The following CAPZA2 variants were observed in gnomAD, a reference collection of about 807,000 sequenced individuals.
CAPZA2 encodes F-actin-capping protein subunit alpha-2.
A neutral mutation model predicts 44.0 loss-of-function variants in CAPZA2; 13 were observed. The observed-to-expected ratio is 0.30, with a 90% confidence interval of 0.19 to 0.47. CAPZA2 has a LOEUF of 0.47. Among genes scored for constraint, CAPZA2 ranks in the 20% least tolerant of loss-of-function variants. The pLI, the probability that CAPZA2 is intolerant of heterozygous loss-of-function variation, is 1.00. For synonymous variants in CAPZA2, 94 were observed against 108.2 expected, an observed-to-expected ratio of 0.87 and a Z score of 0.81; for missense variants, 244 against 338.6, an observed-to-expected ratio of 0.72 and a Z score of 2.19.
intron 1 of CAPZA2, among the ~76,000 whole-genome samples, chr7:116,883,025 C>T (rs796712975): frequency 1.4e-4 from 22 of 152,242 alleles, no homozygotes; most frequent in African/African-American, 5.1e-4. Context: ...GTGATTTTGA[C>T]TCCAGTTTGT....
At chr7:116,908,944 A>T (rs1791550790) in intron 6 of CAPZA2, among the ~76,000 whole-genome samples, 1 of 152,070 alleles carries the variant, frequency 6.6e-6, no homozygotes, top group African/African-American at 2.4e-5. Context: ...ATGAGAATAC[A>T]GGTTGAATAT....
intron 3 of CAPZA2, among the ~76,000 whole-genome samples, chr7:116,897,792 C>T (rs896867483): frequency 6.6e-6 from 1 of 151,976 alleles, no homozygotes; most frequent in Non-Finnish European, 1.5e-5. Flanking sequence ...ATTCTTGGAT[C>T]CATCTCGTCA....
intron 1 of CAPZA2, among the ~76,000 whole-genome samples, chr7:116,883,358 A>C (rs1327192950): frequency 6.6e-6 from 1 of 152,172 alleles, no homozygotes; most frequent in African/African-American, 2.4e-5. Flanking sequence ...AGGAATGTTG[A>C]GTCTGTAGCA....
At chr7:116,865,207 A>C (rs1417008028) in intron 1 of CAPZA2, among the ~76,000 whole-genome samples, 2 of 63,020 alleles carry the variant, frequency 3.2e-5, no homozygotes, top group Non-Finnish European at 5.8e-5. Flanking sequence ...TTTTTTTGAT[A>C]CAGAGTCCCA....
At chr7:116,894,957 T>C (rs2115937769) in intron 3 of CAPZA2, among the ~76,000 whole-genome samples, 1 of 152,312 alleles carries the variant, frequency 6.6e-6, no homozygotes, top group African/African-American at 2.4e-5. Context: ...TTCATAGGAA[T>C]CAGTGTAGTT....
At chr7:116,865,465 C>T (rs1241332445) in intron 1 of CAPZA2, among the ~76,000 whole-genome samples, 1 of 152,106 alleles carries the variant, frequency 6.6e-6, no homozygotes, top group East Asian at 1.9e-4. Context: ...GGATTACAGG[C>T]GTGAGCCACC....
chr7:116,918,227 A>G lies in CAPZA2; in HGVS notation c.*360A>G, dbSNP rs192068878. The G allele has an allele frequency of 1.4e-3, 256 of 181,798 alleles. No homozygotes were observed. Among genetic ancestry groups the G allele is most frequent in the South Asian group, 9.1e-3 (76 of 8,344 alleles). The allele number at this position is 181,798 out of a possible 1,614,324, so 11.3% of individuals were successfully genotyped here. A position where few individuals can be genotyped will look rare whatever the true frequency, so the allele number is the denominator to read the frequency against. ...TGGTTTATGAAATCAGTAATTTTTG[A>G]TATTTCCCCAGTTCTTTTTAATGGG... On this transcript the variant is annotated 3_prime_UTR_variant, in exon 10 of 10. Transcript: ENST00000361183.
intron 1 of CAPZA2, among the ~76,000 whole-genome samples, chr7:116,872,295 A>G (rs1796563429): frequency 6.6e-6 from 1 of 152,206 alleles, no homozygotes; most frequent in South Asian, 2.1e-4. Context: ...CGTAAGATAA[A>G]GAATAGTTTA....
At chr7:116,869,723 A>G (rs1247019687) in intron 1 of CAPZA2, among the ~76,000 whole-genome samples, 1 of 152,232 alleles carries the variant, frequency 6.6e-6, no homozygotes, top group African/African-American at 2.4e-5. Context: ...CATTCATTCC[A>G]TGTATGTCTA....
intron 1 of CAPZA2, chr7:116,885,952 T>G (rs1392317305): frequency 1.3e-5 from 2 of 153,964 alleles, no homozygotes; most frequent in Non-Finnish European, 2.9e-5. Flanking sequence ...GGTTAGGAGG[T>G]GGGTCAGAAG....
chr7:116,870,256 G>A (rs1460738260), intron 1 of CAPZA2, among the ~76,000 whole-genome samples: 3 of 152,162 alleles, frequency 2.0e-5, no homozygotes, highest in African/African-American at 7.2e-5. Context: ...TAAAAATTTA[G>A]AAGATAGAAA....
At chr7:116,898,086 C>T (rs1796950562) in intron 3 of CAPZA2, among the ~76,000 whole-genome samples, 1 of 152,044 alleles carries the variant, frequency 6.6e-6, no homozygotes, top group African/African-American at 2.4e-5. Context: ...TGATGTTGGA[C>T]CTAACTTATT....
chr7:116,910,314 A>G lies in CAPZA2; in HGVS notation c.585+3A>G, dbSNP rs747789982. ...TGGTTGGCATCTTGAAAATTCAGGT[A>G]TGAAAAATAATTTGTTTACTGATCT... On this transcript the variant is annotated splice_donor_region_variant and intron_variant, in intron 7 of 9. Coordinates refer to ENST00000361183, the MANE Select transcript of CAPZA2 (RefSeq NM_006136.3). 6.9e-7 allele frequency: 1 copy of G among 1,453,084 alleles called. No homozygotes were observed. 90.0% of individuals were successfully genotyped at this position (1,453,084 alleles called of 1,614,324 possible). A position where few individuals can be genotyped will look rare whatever the true frequency, so the allele number is the denominator to read the frequency against.
intron 1 of CAPZA2, chr7:116,873,387 TC>T: frequency 6.6e-6 from 1 of 152,234 alleles, no homozygotes. Flanking sequence ...TTTTATACTT[TC>T]ATCTCCTTTA....
intron 1 of CAPZA2, among the ~76,000 whole-genome samples, chr7:116,887,671 A>G (rs1562959364): frequency 6.6e-6 from 1 of 152,064 alleles, no homozygotes; most frequent in Non-Finnish European, 1.5e-5. Context: ...ATCTCTACTA[A>G]AAATACAAAA....
At chr7:116,913,942 CATTT>C (rs1201339100) in intron 8 of CAPZA2, among the ~76,000 whole-genome samples, 1 of 151,552 alleles carries the variant, frequency 6.6e-6, no homozygotes, top group Non-Finnish European at 1.5e-5. Context: ...GACATTTTCT[CATTT>C]GTTTGTGTCA....
intron 2 of CAPZA2, 83 bp from the exon 3 acceptor site, chr7:116,892,911 A>T: frequency 1.2e-6 from 1 of 854,716 alleles, no homozygotes; most frequent in South Asian, 1.9e-5. Context: ...GGGAGGTGTT[A>T]ATACATCACC....
chr7:116,900,359 A>G (rs185071238), intron 4 of CAPZA2, among the ~76,000 whole-genome samples: 5 of 151,816 alleles, frequency 3.3e-5, no homozygotes, highest in East Asian at 1.9e-4. Context: ...GACATGATTT[A>G]TATATTTAGG....
intron 1 of CAPZA2, among the ~76,000 whole-genome samples, chr7:116,886,438 C>G (rs1023987617): frequency 6.6e-6 from 1 of 152,214 alleles, no homozygotes; most frequent in Admixed American, 6.5e-5. Context: ...TTTCTCTCCT[C>G]TGAAAATGGT....
Sources: gnomAD v4.1 joint callset for allele counts (sites outside exome capture counted in the v4.1 genomes callset) on GRCh38, gnomAD v4.1.1 for gene constraint, MANE v1.5 for transcripts, NCBI Gene and HGNC (gene_info 2026-07-23, HGNC 2026-07-21) for gene names.